Variants in CTIF observed in about 807,000 individuals in gnomAD.
CTIF encodes cap binding complex dependent translation initiation factor.
In CTIF, 21 loss-of-function variants were observed where a neutral mutation model predicts 66.0. The ratio of observed to expected loss-of-function variants is 0.32; its 90% CI spans 0.23 to 0.46. CTIF has a LOEUF of 0.46. Ranked by LOEUF, CTIF falls within the 20% of genes least tolerant of loss-of-function variation. The pLI, the probability that CTIF is intolerant of heterozygous loss-of-function variation, is 1.00. For missense variants in CTIF, 739 were observed against 812.7 expected (o/e 0.91, Z 1.10); for synonymous variants, 345 against 326.4 (o/e 1.06, Z -0.62).
intron 10 of CTIF, among the ~76,000 whole-genome samples, chr18:48,827,316 T>C (rs765055572): frequency 3.9e-5 from 6 of 152,118 alleles, no homozygotes; most frequent in South Asian, 2.1e-4. Context: ...GATAACAAAG[T>C]CAACTAAATC....
At chr18:48,582,146 A>C (rs1381363751) in intron 1 of CTIF, among the ~76,000 whole-genome samples, 5 of 151,948 alleles carry the variant, frequency 3.3e-5, no homozygotes, top group Non-Finnish European at 7.4e-5. Flanking sequence ...TGGTGCTGTA[A>C]TCACCCTCTG....
At chr18:48,780,866 G>C (rs992045455) in intron 9 of CTIF, among the ~76,000 whole-genome samples, 27 of 152,170 alleles carry the variant, frequency 1.8e-4, no homozygotes, top group Non-Finnish European at 3.5e-4. Flanking sequence ...GCTTAAGGAG[G>C]GGGGCGTGCT....
At chr18:48,824,015 A>ACACACACACAC (rs1568247744) in intron 10 of CTIF, among the ~76,000 whole-genome samples, 1 of 87,232 alleles carries the variant, frequency 1.1e-5, no homozygotes, top group East Asian at 5.7e-4. Context: ...CACACACACA[A>ACACACACACAC]ACTGCTAGAA....
chr18:48,734,931 C>T (rs1317715041), intron 7 of CTIF, among the ~76,000 whole-genome samples: 1 of 152,114 alleles, frequency 6.6e-6, no homozygotes, highest in Non-Finnish European at 1.5e-5. Flanking sequence ...TGTGTGTGTA[C>T]TCCTGTGTAC....
intron 1 of CTIF, among the ~76,000 whole-genome samples, chr18:48,547,186 G>T (rs1246831054): frequency 6.6e-6 from 1 of 152,186 alleles, no homozygotes; most frequent in Non-Finnish European, 1.5e-5. Context: ...ACTCGGGGAG[G>T]CATGTGCAGG....
At chr18:48,720,427 G>A (rs112560006) in intron 7 of CTIF, among the ~76,000 whole-genome samples, 293 of 152,174 alleles carry the variant, frequency 1.9e-3, no homozygotes, top group Middle Eastern at 3.4e-3. Flanking sequence ...CCTGTCATCC[G>A]AGCCCAGGGA....
At chr18:48,818,580 G>A (rs1303696056) in intron 10 of CTIF, among the ~76,000 whole-genome samples, 2 of 152,026 alleles carry the variant, frequency 1.3e-5, no homozygotes, top group Non-Finnish European at 2.9e-5. Context: ...AGAGGGTTCT[G>A]GGAAGTATCG....
At chr18:48,601,270 T>C (rs1404554412) in intron 1 of CTIF, among the ~76,000 whole-genome samples, 1 of 152,176 alleles carries the variant, frequency 6.6e-6, no homozygotes. Context: ...AAATGTGTTT[T>C]CCCCCACCTT....
chr18:48,578,565 T>C (rs2089585840), intron 1 of CTIF, among the ~76,000 whole-genome samples: 1 of 152,360 alleles, frequency 6.6e-6, no homozygotes, highest in South Asian at 2.1e-4. Context: ...TGCATTTCCC[T>C]GATGACTAAT....
chr18:48,588,627 G>A (rs373312004), intron 1 of CTIF, among the ~76,000 whole-genome samples: 17 of 147,142 alleles, frequency 1.2e-4, no homozygotes, highest in East Asian at 2.2e-4. Context: ...GCCCCTGCCC[G>A]GCTCGCTCCA....
At chr18:48,745,476 C>A (rs1378958857) in intron 7 of CTIF, among the ~76,000 whole-genome samples, 2 of 152,204 alleles carry the variant, frequency 1.3e-5, no homozygotes, top group African/African-American at 4.8e-5. Context: ...AACTTTCATC[C>A]ACTGACTTCC....
At chr18:48,706,924 A>G (rs542363924) in intron 6 of CTIF, among the ~76,000 whole-genome samples, 1 of 152,354 alleles carries the variant, frequency 6.6e-6, no homozygotes, top group East Asian at 1.9e-4. Flanking sequence ...GATGTTAGAC[A>G]GACAGGGAAC....
At chr18:48,631,467 AACAAG>A (rs2090711749) in intron 2 of CTIF, among the ~76,000 whole-genome samples, 1 of 152,266 alleles carries the variant, frequency 6.6e-6, no homozygotes, top group Non-Finnish European at 1.5e-5. Flanking sequence ...CCGTCTCAAA[AACAAG>A]ACAAACAAAC....
At chr18:48,732,129 C>G (rs2092461967) in intron 7 of CTIF, among the ~76,000 whole-genome samples, 1 of 152,236 alleles carries the variant, frequency 6.6e-6, no homozygotes, top group Non-Finnish European at 1.5e-5. Flanking sequence ...AGTGCATTCA[C>G]CTGGCCGCCG....
In CTIF at chr18:48,578,780, A is replaced by G. The variant is rs1052498634; in HGVS notation, c.-29+39468A>G. Among the ~76,000 whole-genome samples, 3 of 152,206 alleles carry G rather than the reference A, an allele frequency of 2.0e-5. No individual in the cohort carries two copies. In the East Asian group the frequency reaches 5.8e-4, roughly 29 times the overall value. On this transcript the variant is annotated intron_variant, in intron 1 of 11. Coordinates refer to ENST00000256413, the MANE Select transcript of CTIF (RefSeq NM_014772.3). ...CCAGAATTTGCAAATATTTTCTCCCATTCCGTGCATTGTCTTTTTACTTGA... is the reference window on the plus strand; with the variant it reads ...CCAGAATTTGCAAATATTTTCTCCCGTTCCGTGCATTGTCTTTTTACTTGA...
intron 7 of CTIF, among the ~76,000 whole-genome samples, chr18:48,753,300 T>C (rs992708256): frequency 2.0e-5 from 3 of 152,190 alleles, no homozygotes; most frequent in African/African-American, 7.2e-5. Context: ...GAGAGAACCA[T>C]AATAAGTCAG....
At chr18:48,823,095 TTC>T (rs1026014437) in intron 10 of CTIF, among the ~76,000 whole-genome samples, 8 of 152,246 alleles carry the variant, frequency 5.3e-5, no homozygotes, top group African/African-American at 1.7e-4. Context: ...TGCAAATATT[TTC>T]TCCTGTTCCA....
At chr18:48,623,885 C>A (rs11877199) in intron 2 of CTIF, among the ~76,000 whole-genome samples, 42,090 of 151,764 alleles carry the variant, frequency 0.28, 8,832 homozygotes, top group African/African-American at 0.59. Flanking sequence ...GGCTGGCTGG[C>A]TGGATGGATG....
chr18:48,619,076 T>A (rs528908734), intron 1 of CTIF, among the ~76,000 whole-genome samples: 10 of 152,358 alleles, frequency 6.6e-5, no homozygotes, highest in Middle Eastern at 3.4e-3. Flanking sequence ...AGTCATTTTC[T>A]TGGAGGACCT....
Sources: gnomAD v4.1 joint callset for allele counts (sites outside exome capture counted in the v4.1 genomes callset) on GRCh38, gnomAD v4.1.1 for gene constraint, MANE v1.5 for transcripts, NCBI Gene and HGNC (gene_info 2026-07-23, HGNC 2026-07-21) for gene names.